The following IGHMBP2 variants were observed in gnomAD, a reference collection of about 807,000 sequenced individuals.
IGHMBP2 encodes DNA-binding protein SMUBP-2.
IGHMBP2 carries 81 observed loss-of-function variants against 96.0 expected under a neutral mutation model. That is an observed-to-expected ratio of 0.84 (90% CI 0.71 to 1.01). The LOEUF (loss-of-function observed/expected upper bound fraction) is 1.01, where lower values mean the gene tolerates loss of function less well. Ranked by LOEUF, IGHMBP2 falls within the 50% of genes least tolerant of loss-of-function variation. The pLI, the probability that IGHMBP2 is intolerant of heterozygous loss-of-function variation, is 0.00. For missense variants in IGHMBP2, 1,227 were observed against 1,306.3 expected, an observed-to-expected ratio of 0.94 and a Z score of 0.94; for synonymous variants, 557 against 548.9, an observed-to-expected ratio of 1.01 and a Z score of -0.21.
rs188465149 is a variant in IGHMBP2, at chr11:68,916,485, T to C, written c.913-1251T>C. Among the ~76,000 whole-genome samples, 4 of 152,330 alleles carry C rather than the reference T, an allele frequency of 2.6e-5. No individual in the cohort carries two copies. The East Asian group carries it at 7.7e-4, about 29-fold the overall frequency. The stretch of plus-strand genomic sequence containing the variant: ...TGTGCTCACGTCCTGTCCTGTGTGC[T>C]CACTGTCGGTACTGGTACTCCTTGG... On this transcript the variant is annotated intron_variant, in intron 6 of 14. Transcript: ENST00000255078.
At position 68,940,468 on chromosome 11, in the gene IGHMBP2, G is replaced by C. The variant is rs559988932; in HGVS notation, c.*737G>C. On this transcript the variant is annotated 3_prime_UTR_variant, in exon 15 of 15. Coordinates refer to ENST00000255078, the MANE Select transcript of IGHMBP2 (RefSeq NM_002180.3). ...CATCTTCAGCACTTACCGATCCAGA[G>C]CCTCCCGGCCTTCTCCGGTGTCCTG... is the stretch of plus-strand genomic sequence containing the variant. The C allele has an allele frequency of 6.6e-6, 1 of 152,296 alleles. No homozygotes were observed. Among genetic ancestry groups the C allele is most frequent in the East Asian group, 1.9e-4 (1 of 5,172 alleles). The allele number at this position is 152,296 out of a possible 1,614,324, so 9.4% of individuals were successfully genotyped here. A position where few individuals can be genotyped will look rare whatever the true frequency, so the allele number is the denominator to read the frequency against.
rs1395080603 is a variant in IGHMBP2, at chr11:68,922,633, A to AT, written c.1060+4751dup. On this transcript the variant is annotated intron_variant, in intron 7 of 14. Transcript: ENST00000255078. ...CTGCTCTCGAACTCCTGACCTCGTG[A>AT]TCCGCCTGCCTTGGCCTCCCAGAGT... 5.9e-5 allele frequency among the ~76,000 whole-genome samples: 9 copies of AT among 152,298 alleles called. No individual in the cohort carries two copies. The East Asian group carries it at 7.7e-4, about 13-fold the overall frequency.
rs557825261 is a variant in IGHMBP2, at chr11:68,939,947, C to T, written c.*216C>T. The T allele has an allele frequency of 1.6e-4, 92 of 592,426 alleles. 1 individual carries two copies. The South Asian group carries it at 1.6e-3, about 10-fold the overall frequency. 36.7% of individuals were successfully genotyped at this position (592,426 alleles called of 1,614,324 possible). A position where few individuals can be genotyped will look rare whatever the true frequency, so the allele number is the denominator to read the frequency against. On this transcript the variant is annotated 3_prime_UTR_variant, in exon 15 of 15. Coordinates refer to ENST00000255078, the MANE Select transcript of IGHMBP2 (RefSeq NM_002180.3). ...AAAGCACCTGGGGGACAACAGTGCT[C>T]GTGCAGGTGGGGCTTGGGAAATGCA...
rs1393920192 is a variant in IGHMBP2 at position 68,918,858 on chromosome 11, AT to A, written c.1060+977del. On this transcript the variant is annotated intron_variant, in intron 7 of 14. Coordinates refer to ENST00000255078, the MANE Select transcript of IGHMBP2 (RefSeq NM_002180.3). ...AAGAACCAGCTTTTGCTTTTTCTCT[AT>A]TGTTTTTCTGTTTCATGTATTTCCA... Among the ~76,000 whole-genome samples, 50 of 151,842 alleles carry A rather than the reference AT, an allele frequency of 3.3e-4. 1 individual carries two copies. Among genetic ancestry groups the A allele is most frequent in the African/African-American group, 1.1e-3 (46 of 41,426 alleles).
chr11:68,910,231 A>G (rs150163468), intron 4 of IGHMBP2, among the ~76,000 whole-genome samples: 178 of 152,324 alleles, frequency 1.2e-3, no homozygotes, highest in Non-Finnish European at 2.3e-3. Context: ...TTCTTTCTGC[A>G]TTTTCCTTTG....
At position 68,911,439 on chromosome 11, in the gene IGHMBP2, G is replaced by C; in HGVS notation, c.548-1G>C. ...GCCTCACGCTGCTGCTTCTTCCACA[G>C]ACCCGCTGACATTCTTCAACACCTG... On this transcript the variant is annotated splice_acceptor_variant, in intron 4 of 14. Transcript: ENST00000255078. LOFTEE classifies it high-confidence loss of function. The C allele has an allele frequency of 6.2e-7, 1 of 1,613,636 alleles. No homozygotes were observed. Among genetic ancestry groups the C allele is most frequent in the Non-Finnish European group, 8.5e-7 (1 of 1,179,942 alleles).
chr11:68,937,162 G>A, intron 13 of IGHMBP2, 71 bp downstream of exon 13: 1 of 1,568,460 alleles, frequency 6.4e-7, no homozygotes, highest in Non-Finnish European at 8.7e-7. Context: ...GAGCCCACCT[G>A]CCACCATCAA....
At chr11:68,935,705 C>G (rs775428472) in intron 12 of IGHMBP2, among the ~76,000 whole-genome samples, 1 of 152,186 alleles carries the variant, frequency 6.6e-6, no homozygotes, top group Non-Finnish European at 1.5e-5. Flanking sequence ...GGTGAAGCCC[C>G]CTGCAGCCCA....
chr11:68,935,502 G>C (rs1859490447), intron 12 of IGHMBP2, 80 bp downstream of exon 12: 2 of 1,546,320 alleles, frequency 1.3e-6, no homozygotes, highest in East Asian at 2.2e-5. Flanking sequence ...GGTGTCTGCT[G>C]GGTGCCACAC....
intron 14 of IGHMBP2, 64 bp downstream of exon 14, chr11:68,938,418 A>G: frequency 6.9e-7 from 1 of 1,447,606 alleles, no homozygotes; most frequent in Non-Finnish European, 9.4e-7. Context: ...GTCTCCAGGA[A>G]GCAGACCCTG....
At chr11:68,931,874 A>G (rs1473338111) in intron 8 of IGHMBP2, among the ~76,000 whole-genome samples, 1 of 152,142 alleles carries the variant, frequency 6.6e-6, no homozygotes, top group East Asian at 1.9e-4. Context: ...AGGGAGTAGG[A>G]TGGTTTCGGG....
In IGHMBP2 at chr11:68,933,650, C is replaced by T. The variant is rs2282504; in HGVS notation, c.1419-145C>T. ...TTGCCCTGGAGAGCTGGGTCAGGCC[C>T]GCTCCCTCCCTTCTGATGTCCTGAT... On this transcript the variant is annotated intron_variant, in intron 9 of 14. Coordinates refer to ENST00000255078, the MANE Select transcript of IGHMBP2 (RefSeq NM_002180.3). 0.26 allele frequency: 262,043 copies of T among 1,003,850 alleles called. 37,665 individuals are homozygous for T. The highest frequency in any genetic ancestry group is 0.43 in the Admixed American group (21,852 of 50,304). The allele number at this position is 1,003,850 out of a possible 1,614,324, so 62.2% of individuals were successfully genotyped here.
At chr11:68,934,213 C>T (rs1859432625) in intron 10 of IGHMBP2, 1 of 621,774 alleles carries the variant, frequency 1.6e-6, no homozygotes, top group Non-Finnish European at 2.9e-6. Context: ...ACCACCATCT[C>T]CCCAGTTCCA....
intron 8 of IGHMBP2, chr11:68,929,606 G>A (rs1859197368): frequency 1.1e-5 from 5 of 435,062 alleles, no homozygotes; most frequent in Admixed American, 6.4e-5. Context: ...GGCCTGGCAC[G>A]TTTCTGGTGT....
rs539107498 is a variant in IGHMBP2, at chr11:68,926,045, G to A, written c.1061-3138G>A. ...TTCTTTCTGCCCTTATTCTACTCTC[G>A]TCTCCATCTACAACTCCCATTATGA... On this transcript the variant is annotated intron_variant, in intron 7 of 14. Transcript: ENST00000255078. Among the ~76,000 whole-genome samples, 9 of 151,762 alleles carry A rather than the reference G, an allele frequency of 5.9e-5. No homozygotes were observed. In the South Asian group the frequency reaches 1.0e-3, roughly 18 times the overall value.
chr11:68,929,200 C>A lies in IGHMBP2; in HGVS notation c.1078C>A (p.Pro360Thr). 1 of 1,613,304 alleles carries A rather than the reference C, an allele frequency of 6.2e-7. No individual in the cohort carries two copies. The highest frequency in any genetic ancestry group is 8.5e-7 in the Non-Finnish European group (1 of 1,180,012). Residue 360 changes from proline to threonine, a missense_variant, in exon 8 of 15, where the codon CCC (proline) becomes ACC (threonine). By Grantham distance (38) the Pro-to-Thr change is conservative. Transcript: ENST00000255078. ...ATNTGASADG[P>T]LKLLPESYFD... Reference sequence around the variant, plus strand: ...TCCACCAGGTGCGTCTGCCGATGGCCCCCTGAAGTTGCTGCCCGAGAGCTA... The same window carrying A: ...TCCACCAGGTGCGTCTGCCGATGGCACCCTGAAGTTGCTGCCCGAGAGCTA...
rs140111122 is a variant in IGHMBP2, at chr11:68,926,696, C to T, written c.1061-2487C>T. On this transcript the variant is annotated intron_variant, in intron 7 of 14. Coordinates refer to ENST00000255078, the MANE Select transcript of IGHMBP2 (RefSeq NM_002180.3). ...TTTGCTGTTTGAACATACTTAGAAT[C>T]GCTGATATTTCAAGTCTTTGTCTAG... Among the ~76,000 whole-genome samples the T allele has an allele frequency of 3.8e-3, 577 of 152,256 alleles. 1 individual carries two copies. The highest frequency in any genetic ancestry group is 0.013 in the African/African-American group (550 of 41,544).
intron 7 of IGHMBP2, among the ~76,000 whole-genome samples, chr11:68,928,732 G>GCCCCGAAGGGGTGATTAATTTTGCCAATT (rs1566439171): frequency 6.6e-6 from 1 of 152,136 alleles, no homozygotes; most frequent in African/African-American, 2.4e-5. Context: ...GTCCCAGGAA[G>GCCCCGAAGGGGTGATTAATTTTGCCAATT]GAAAAGCTGC....
At position 68,939,771 on chromosome 11, in the gene IGHMBP2, G is replaced by A. The variant is rs2154009321; in HGVS notation, c.*40G>A. 1.3e-6 allele frequency: 2 copies of A among 1,560,786 alleles called. No homozygotes were observed. The highest frequency in any genetic ancestry group is 2.3e-5 in the South Asian group (2 of 85,448). ...GCACGCCCCGCGGAGCTCTCTCCATGGTAGCCCAGGGCGCTGGCAGACCAT... is the reference window on the plus strand; with the variant it reads ...GCACGCCCCGCGGAGCTCTCTCCATAGTAGCCCAGGGCGCTGGCAGACCAT... On this transcript the variant is annotated 3_prime_UTR_variant, in exon 15 of 15. Transcript: ENST00000255078.
Sources: allele counts gnomAD v4.1 joint callset (sites outside exome capture counted in the v4.1 genomes callset), GRCh38; gene constraint gnomAD v4.1.1; transcripts MANE v1.5; gene names NCBI Gene and HGNC (gene_info 2026-07-23, HGNC 2026-07-21).